The following C9orf43 variants were observed in gnomAD, a reference collection of about 807,000 sequenced individuals.
The protein encoded by C9orf43 is chromosome 9 open reading frame 43.
C9orf43 carries 45 observed loss-of-function variants against 59.1 expected under a neutral mutation model. The observed-to-expected ratio is 0.76, with a 90% CI of 0.60 to 0.98. The LOEUF is 0.98. Ranked by LOEUF, C9orf43 falls within the 50% of genes least tolerant of loss-of-function variation. The pLI, the probability that C9orf43 is intolerant of heterozygous loss-of-function variation, is 0.00. For synonymous variants in C9orf43, 203 were observed against 196.8 expected (o/e 1.03, Z -0.26); for missense variants, 533 against 554.9 (o/e 0.96, Z 0.40).
chr9:113,411,162 C>A (rs1010080174), intron 1 of C9orf43, 161 bp downstream of exon 1: 18 of 955,442 alleles, frequency 1.9e-5, no homozygotes, highest in Non-Finnish European at 2.0e-5. Flanking sequence ...GAGAAGCAGC[C>A]TTTTCACTGT....
In C9orf43 at chr9:113,425,031, C is replaced by T. The variant is rs201215268; in HGVS notation, c.820C>T (p.Arg274Ter). 19 of 1,612,064 alleles carry T rather than the reference C, an allele frequency of 1.2e-5. No individual in the cohort carries two copies. The highest frequency in any genetic ancestry group is 4.5e-5 in the East Asian group (2 of 44,886). Residue 274 changes from arginine (R) to a stop codon, truncating the protein, a stop_gained, in exon 9 of 14, where the codon CGA (arginine) becomes TGA (stop). Transcript: ENST00000374165. LOFTEE classifies it high-confidence loss of function. ...TTTCTTTCTCCAGAGACCAGCACTG[C>T]GATATCCTGAACGTTTGAAGAAATT... is the stretch of plus-strand genomic sequence containing the variant. ...HRLTLERPAL[R>*]YPERLKKLHN... is the part of the protein sequence containing the mutation.
In C9orf43 at chr9:113,425,056, TA is replaced by T. The variant is rs765165667; in HGVS notation, c.846del (p.Leu282PhefsTer4). On this transcript the variant is annotated frameshift_variant, in exon 9 of 14. Coordinates refer to ENST00000374165, the MANE Select transcript of C9orf43 (RefSeq NM_001278629.2). LOFTEE classifies it high-confidence loss of function. ...CGATATCCTGAACGTTTGAAGAAAT[TA>T]CATAACCTGAAGACAGAAGGTAGAT... ...ALRYPERLKKLHNLKTEGYRK... is the reference protein window; with the variant it reads ...ALRYPERLKKXHNLKTEGYRK... 2.7e-5 allele frequency: 43 copies of T among 1,613,210 alleles called. No homozygotes were observed. Among genetic ancestry groups the T allele is most frequent in the Non-Finnish European group, 3.4e-5 (40 of 1,179,974 alleles).
At chr9:113,419,037 T>C (rs1176436185) in intron 3 of C9orf43, 71 bp from the exon 4 acceptor site, 1 of 1,244,694 alleles carries the variant, frequency 8.0e-7, no homozygotes, top group East Asian at 2.3e-5. Flanking sequence ...AAGGATTTCC[T>C]CATAGCACTA....
intron 4 of C9orf43, among the ~76,000 whole-genome samples, chr9:113,419,837 G>A (rs959365608): frequency 4.6e-5 from 7 of 152,144 alleles, no homozygotes; most frequent in African/African-American, 1.7e-4. Context: ...AGCTAGTTAG[G>A]GGTAGAGCTA....
chr9:113,413,441 C>G lies in C9orf43; in HGVS notation c.-49-4C>G. 6.4e-7 allele frequency: 1 copy of G among 1,574,636 alleles called. No homozygotes were observed. Among genetic ancestry groups the G allele is most frequent in the Non-Finnish European group, 8.7e-7 (1 of 1,154,742 alleles). On this transcript the variant is annotated splice_polypyrimidine_tract_variant and splice_region_variant and intron_variant, in intron 1 of 13. Coordinates refer to ENST00000374165, the MANE Select transcript of C9orf43 (RefSeq NM_001278629.2). ...CCCTAATTATGTAGCTGTTGATTTT[C>G]CAGAGCACTAGAATGCTGCAGGGTT... is the stretch of plus-strand genomic sequence containing the variant.
At chr9:113,411,118 G>A (rs1828121412) in intron 1 of C9orf43, 117 bp downstream of exon 1, 16 of 985,416 alleles carry the variant, frequency 1.6e-5, no homozygotes, top group Non-Finnish European at 1.9e-5. Context: ...TAGGTCTCAG[G>A]AGTCAATTCG....
In C9orf43 at chr9:113,428,907, C is replaced by T. The variant is rs143283507; in HGVS notation, c.1115C>T (p.Thr372Met). ...TACCCCAATGAATTTCAGGATTCCA[C>T]GGAGAGACCAAAGATGAACTACTAT... ...EKGTTSKQDS[T>M]ERPKMNYYDH... The change falls in exon 13 of 14, where the codon ACG (threonine) becomes ATG (methionine). Residue 372 changes from threonine to methionine, a missense_variant. By Grantham distance (81) the Thr-to-Met change is moderately conservative. Transcript: ENST00000374165. 0.013 allele frequency: 21,299 copies of T among 1,613,074 alleles called. 186 individuals carry two copies. The highest frequency in any genetic ancestry group is 0.017 in the Admixed American group (991 of 60,020).
rs766857990 is a variant in C9orf43, at chr9:113,425,354, ACAGCAGCAGCGGCAG to A, written c.887_901del (p.Arg296_Gln300del). On this transcript the variant is annotated inframe_deletion, in exon 10 of 14. Transcript: ENST00000374165. The stretch of plus-strand genomic sequence containing the variant: ...CTCTCTGGTCACCAGGTTACAGGAA[ACAGCAGCAGCGGCAG>A]CAGCAGCAGCAGCAGCAACAGAAGA... The A allele has an allele frequency of 1.2e-5, 19 of 1,613,670 alleles. No individual in the cohort carries two copies. In the East Asian group the frequency reaches 2.9e-4, roughly 25 times the overall value.
intron 1 of C9orf43, among the ~76,000 whole-genome samples, chr9:113,411,963 C>T (rs969595712): frequency 6.6e-6 from 1 of 152,206 alleles, no homozygotes; most frequent in Non-Finnish European, 1.5e-5. Context: ...GCATGAGCCA[C>T]GGCGCCCAGC....
chr9:113,411,106 A>T (rs1244656064), intron 1 of C9orf43, 105 bp downstream of exon 1: 1 of 985,300 alleles, frequency 1.0e-6, no homozygotes, highest in Non-Finnish European at 1.2e-6. Flanking sequence ...GATGCGCCTG[A>T]TTAGGTCTCA....
intron 8 of C9orf43, 104 bp downstream of exon 8, chr9:113,424,420 C>G (rs1242417517): frequency 7.9e-7 from 1 of 1,271,260 alleles, no homozygotes; most frequent in African/African-American, 1.5e-5. Flanking sequence ...TCCCTTCTGC[C>G]TTTCCACTCT....
At position 113,419,134 on chromosome 9, in the gene C9orf43, G is replaced by A. The variant is rs752930565; in HGVS notation, c.314G>A (p.Ser105Asn). The change falls in exon 4 of 14, where the codon AGT (serine) becomes AAT (asparagine). Residue 105 changes from serine (S) to asparagine (N), a missense_variant. Physicochemically the swap from Ser to Asn is conservative, Grantham distance 46. Transcript: ENST00000374165. ...GRPPKGLPDK[S>N]LINCTNRLPK... ...CCTCCGAAGGGTTTACCTGACAAAAGTTTGATCAACTGTACTAACAGACTT... is the reference window on the plus strand; with the variant it reads ...CCTCCGAAGGGTTTACCTGACAAAAATTTGATCAACTGTACTAACAGACTT... 5.6e-6 allele frequency: 9 copies of A among 1,610,276 alleles called. No homozygotes were observed. The highest frequency in any genetic ancestry group is 2.7e-5 in the African/African-American group (2 of 74,868).
At chr9:113,425,763 A>G (rs371997676) in intron 11 of C9orf43, 33 bp downstream of exon 11, 1 of 1,511,798 alleles carries the variant, frequency 6.6e-7, no homozygotes, top group African/African-American at 1.4e-5. Flanking sequence ...TGGGGGTGAT[A>G]GGATCCCTGA....
At position 113,419,129 on chromosome 9, in the gene C9orf43, C is replaced by A; in HGVS notation, c.309C>A (p.Asp103Glu). 1 of 1,609,650 alleles carries A rather than the reference C, an allele frequency of 6.2e-7. No homozygotes were observed. The highest frequency in any genetic ancestry group is 1.3e-5 in the African/African-American group (1 of 74,960). ...FHGRPPKGLPDKSLINCTNRL... is the reference protein window; with the variant it reads ...FHGRPPKGLPEKSLINCTNRL... ...TTAGGCCTCCGAAGGGTTTACCTGA[C>A]AAAAGTTTGATCAACTGTACTAACA... Residue 103 changes from aspartate (D) to glutamate (E), a missense_variant, in exon 4 of 14, where the codon GAC becomes GAA. Asp to Glu is a conservative substitution (Grantham distance 45). Coordinates refer to ENST00000374165, the MANE Select transcript of C9orf43 (RefSeq NM_001278629.2).
At chr9:113,417,986 T>C (rs945842499) in intron 3 of C9orf43, among the ~76,000 whole-genome samples, 6 of 152,218 alleles carry the variant, frequency 3.9e-5, no homozygotes, top group Non-Finnish European at 5.9e-5. Flanking sequence ...CATTCATGCA[T>C]GTAACATGTC....
chr9:113,412,415 A>C (rs2119049787), intron 1 of C9orf43, among the ~76,000 whole-genome samples: 1 of 152,380 alleles, frequency 6.6e-6, no homozygotes, highest in East Asian at 1.9e-4. Context: ...TGTTTAGAAC[A>C]GGGAGTTTGT....
intron 12 of C9orf43, 42 bp from the exon 13 acceptor site, chr9:113,428,858 A>G (rs1227081583): frequency 6.5e-7 from 1 of 1,538,140 alleles, no homozygotes; most frequent in Admixed American, 1.7e-5. Context: ...TTAGTTTCCT[A>G]AAGTCTTGAT....
intron 6 of C9orf43, 146 bp from the exon 7 acceptor site, chr9:113,423,180 G>A (rs1588110571): frequency 3.0e-5 from 20 of 658,648 alleles, no homozygotes; most frequent in Non-Finnish European, 4.4e-5. Flanking sequence ...GCTTGAGAGG[G>A]AAACATGTGG....
At position 113,425,653 on chromosome 9, in the gene C9orf43, AG is replaced by A. The variant is rs746481551; in HGVS notation, c.954del (p.Ala320ProfsTer36). On this transcript the variant is annotated frameshift_variant, in exon 11 of 14. Coordinates refer to ENST00000374165, the MANE Select transcript of C9orf43 (RefSeq NM_001278629.2). LOFTEE classifies it high-confidence loss of function. Reference sequence around the variant, plus strand: ...TGATGTGGGTTTCAGGAGGCTAAAAAGAAAGCCAAGAGTGATCCAGGGATCC... The same window carrying A: ...TGATGTGGGTTTCAGGAGGCTAAAAAAAAGCCAAGAGTGATCCAGGGATCC... Reference protein sequence around the residue: ...KTPIKKQEAKKKAKSDPGIQS... With the variant: ...KTPIKKQEAKXKAKSDPGIQS... 4 of 1,614,130 alleles carry A rather than the reference AG, an allele frequency of 2.5e-6. No homozygotes were observed. Among genetic ancestry groups the A allele is most frequent in the Non-Finnish European group, 3.4e-6 (4 of 1,179,972 alleles).
Sources: gnomAD v4.1 joint callset for allele counts (sites outside exome capture counted in the v4.1 genomes callset) on GRCh38, gnomAD v4.1.1 for gene constraint, MANE v1.5 for transcripts, NCBI Gene and HGNC (gene_info 2026-07-23, HGNC 2026-07-21) for gene names.